Variants in VWC2L observed in about 807,000 individuals in gnomAD.
VWC2L encodes the protein von Willebrand factor C domain containing 2 like, also known as von Willebrand factor C domain-containing protein 2-like.
A neutral mutation model predicts 21.6 loss-of-function variants in VWC2L; 10 were observed. That is an observed-to-expected ratio of 0.46 (90% CI 0.29 to 0.78). The LOEUF (loss-of-function observed/expected upper bound fraction) is 0.78. VWC2L is among the 30% of genes least tolerant of loss of function. VWC2L has a pLI of 0.10. For missense variants in VWC2L, 209 were observed against 277.1 expected (o/e 0.75, Z 1.74); for synonymous variants, 96 against 94.3 (o/e 1.02, Z -0.10).
intron 3 of VWC2L, among the ~76,000 whole-genome samples, chr2:214,513,889 G>C (rs1689097867): frequency 6.6e-6 from 1 of 152,090 alleles, no homozygotes; most frequent in South Asian, 2.1e-4. Context: ...AATATGACCA[G>C]TAGCAGCCAT....
intron 3 of VWC2L, among the ~76,000 whole-genome samples, chr2:214,559,517 C>A (rs544544065): frequency 2.0e-5 from 3 of 152,022 alleles, no homozygotes; most frequent in Non-Finnish European, 2.9e-5. Context: ...CCACCACTTT[C>A]TTAAGGCACC....
intron 3 of VWC2L, among the ~76,000 whole-genome samples, chr2:214,505,826 G>T (rs1041310683): frequency 6.6e-6 from 1 of 152,132 alleles, no homozygotes; most frequent in African/African-American, 2.4e-5. Flanking sequence ...TGTTCCCATA[G>T]ATCCATATTC....
chr2:214,445,578 G>T (rs561352683), intron 3 of VWC2L, among the ~76,000 whole-genome samples: 2 of 151,418 alleles, frequency 1.3e-5, no homozygotes, highest in East Asian at 1.9e-4. Context: ...TTACTAAAAA[G>T]AAAATACATG....
intron 3 of VWC2L, among the ~76,000 whole-genome samples, chr2:214,487,920 C>A (rs924221707): frequency 2.6e-5 from 4 of 152,184 alleles, no homozygotes; most frequent in African/African-American, 7.2e-5. Flanking sequence ...AGTCAGGTCT[C>A]ACAGAAAAGT....
intron 3 of VWC2L, among the ~76,000 whole-genome samples, chr2:214,475,787 C>T (rs1374389708): frequency 6.6e-6 from 1 of 151,434 alleles, no homozygotes; most frequent in East Asian, 1.9e-4. Flanking sequence ...AAATGTTGAC[C>T]TGTAGGTCAA....
intron 3 of VWC2L, among the ~76,000 whole-genome samples, chr2:214,567,429 T>C (rs565258124): frequency 6.6e-6 from 1 of 152,142 alleles, no homozygotes; most frequent in East Asian, 1.9e-4. Context: ...GGAGCAAATC[T>C]TGCTTTGCAG....
intron 2 of VWC2L, among the ~76,000 whole-genome samples, chr2:214,418,329 C>T (rs765823051): frequency 3.9e-5 from 6 of 152,076 alleles, no homozygotes; most frequent in South Asian, 2.1e-4. Flanking sequence ...CACTGTTTTA[C>T]GGATAAGAAA....
chr2:214,465,058 G>A (rs114353942), intron 3 of VWC2L, among the ~76,000 whole-genome samples: 295 of 152,146 alleles, frequency 1.9e-3, no homozygotes, highest in African/African-American at 6.8e-3. Flanking sequence ...GTCCCAGGAC[G>A]AATACCAAAA....
intron 3 of VWC2L, among the ~76,000 whole-genome samples, chr2:214,542,943 A>G (rs1689650559): frequency 2.0e-5 from 3 of 152,204 alleles, no homozygotes; most frequent in Admixed American, 2.0e-4. Flanking sequence ...TTGTCACTGT[A>G]TCATACTAAT....
intron 3 of VWC2L, among the ~76,000 whole-genome samples, chr2:214,446,286 C>A (rs1036236846): frequency 4.6e-5 from 7 of 152,174 alleles, no homozygotes; most frequent in African/African-American, 1.7e-4. Context: ...TGCATCTCTA[C>A]AACTGAAGGT....
In VWC2L at chr2:214,454,598, C is replaced by CTTTTTTTTTTTTTT. The variant is rs34032234; in HGVS notation, c.520+17850_520+17863dup. Among the ~76,000 whole-genome samples, 21 of 64,144 alleles carry CTTTTTTTTTTTTTT rather than the reference C, an allele frequency of 3.3e-4. 1 individual carries two copies. Among genetic ancestry groups the CTTTTTTTTTTTTTT allele is most frequent in the African/African-American group, 4.5e-4 (7 of 15,532 alleles). The allele number at this position is 64,144 out of a possible 152,430, so 42.1% of individuals were successfully genotyped here. A position where few individuals can be genotyped will look rare whatever the true frequency, so the allele number is the denominator to read the frequency against. On this transcript the variant is annotated intron_variant, in intron 3 of 3. Coordinates refer to ENST00000312504, the MANE Select transcript of VWC2L (RefSeq NM_001080500.4). ...ATACTGAATTACATTGATTGATTTT[C>CTTTTTTTTTTTTTT]TTTTTTTTTTTTTTTTTTTTTTTGA...
At chr2:214,458,081 C>A (rs931240257) in intron 3 of VWC2L, among the ~76,000 whole-genome samples, 1 of 151,932 alleles carries the variant, frequency 6.6e-6, no homozygotes, top group Non-Finnish European at 1.5e-5. Flanking sequence ...AAGTCCTGGG[C>A]GTTTCTTTGT....
At chr2:214,465,570 A>G (rs1703203359) in intron 3 of VWC2L, among the ~76,000 whole-genome samples, 1 of 152,120 alleles carries the variant, frequency 6.6e-6, no homozygotes, top group Admixed American at 6.5e-5. Context: ...TAACTCCTGG[A>G]CCTGTGAGCT....
At chr2:214,461,430 C>T (rs1297544300) in intron 3 of VWC2L, among the ~76,000 whole-genome samples, 1 of 152,084 alleles carries the variant, frequency 6.6e-6, no homozygotes, top group Non-Finnish European at 1.5e-5. Flanking sequence ...GTCCTCAGGC[C>T]CCCAAATGTC....
intron 3 of VWC2L, among the ~76,000 whole-genome samples, chr2:214,465,391 T>C (rs1026333989): frequency 6.6e-5 from 10 of 152,170 alleles, no homozygotes; most frequent in African/African-American, 2.2e-4. Context: ...CAAGGGAACA[T>C]GTTCCCTTCT....
intron 3 of VWC2L, among the ~76,000 whole-genome samples, chr2:214,482,845 A>T (rs1386869039): frequency 2.0e-5 from 3 of 151,756 alleles, no homozygotes; most frequent in African/African-American, 7.3e-5. Flanking sequence ...TTTTCCCCCT[A>T]TTTCTCCCTA....
chr2:214,566,209 G>T (rs1288138948), intron 3 of VWC2L, among the ~76,000 whole-genome samples: 2 of 152,118 alleles, frequency 1.3e-5, no homozygotes, highest in Non-Finnish European at 2.9e-5. Flanking sequence ...ACCATTTTCT[G>T]ACCACAAACA....
intron 3 of VWC2L, among the ~76,000 whole-genome samples, chr2:214,526,762 T>A (rs1475892003): frequency 6.6e-6 from 1 of 152,218 alleles, no homozygotes. Context: ...CTGGTGAGAA[T>A]GTAAATTAGT....
Position 214,472,534 on chromosome 2 carries a change from A to T in VWC2L, c.520+35776A>T, listed in dbSNP as rs552004598. On this transcript the variant is annotated intron_variant, in intron 3 of 3. Transcript: ENST00000312504. ...GTAACTTTTTGATATAAAATTTATC[A>T]TAGTCATGCTTCTGAATGTTCAACT... Among the ~76,000 whole-genome samples the T allele has an allele frequency of 2.6e-5, 4 of 152,354 alleles. No individual in the cohort carries two copies. In the South Asian group the frequency reaches 8.3e-4, roughly 32 times the overall value.
Sources: gnomAD v4.1 joint callset for allele counts (sites outside exome capture counted in the v4.1 genomes callset) on GRCh38, gnomAD v4.1.1 for gene constraint, MANE v1.5 for transcripts, NCBI Gene and HGNC (gene_info 2026-07-23, HGNC 2026-07-21) for gene names.